Variants in CTBP1 observed in about 807,000 individuals in gnomAD.
The protein encoded by CTBP1 is C-terminal binding protein 1.
A neutral mutation model predicts 42.1 loss-of-function variants in CTBP1; 11 were observed. That is an observed-to-expected ratio of 0.26 (90% CI 0.16 to 0.43). CTBP1 has a LOEUF of 0.43. Ranked by LOEUF, CTBP1 falls within the 20% of genes least tolerant of loss-of-function variation. CTBP1 has a pLI of 1.00. For synonymous variants in CTBP1, 324 were observed against 277.1 expected, an observed-to-expected ratio of 1.17 and a Z score of -1.68; for missense variants, 399 against 624.3, an observed-to-expected ratio of 0.64 and a Z score of 3.85.
chr4:1,215,735 G>A (rs868150183), intron 6 of CTBP1: 5 of 543,202 alleles, frequency 9.2e-6, no homozygotes, highest in African/African-American at 7.6e-5. Context: ...GGGCTTCAGG[G>A]GAATTTGGTG....
Position 1,214,483 on chromosome 4 carries a change from A to AT in CTBP1, c.730-11dup. 1 of 1,575,812 alleles carries AT rather than the reference A, an allele frequency of 6.3e-7. No homozygotes were observed. Among genetic ancestry groups the AT allele is most frequent in the South Asian group, 1.2e-5 (1 of 85,288 alleles). On this transcript the variant is annotated splice_polypyrimidine_tract_variant and intron_variant, in intron 6 of 9. Transcript: ENST00000382952. ...AGGCCCCTTGTCTCATCTAGAAGAC[A>AT]TAAGGACAGGCCAGGCCCAGTCAGG... is the stretch of plus-strand genomic sequence containing the variant.
intron 1 of CTBP1, among the ~76,000 whole-genome samples, chr4:1,245,915 CCTCA>C (rs1732673469): frequency 6.6e-6 from 1 of 152,210 alleles, no homozygotes; most frequent in East Asian, 1.9e-4. Flanking sequence ...TCAGGGCCAT[CCTCA>C]CTCTCCTTCA....
At chr4:1,239,963 G>C (rs530700128) in intron 2 of CTBP1, among the ~76,000 whole-genome samples, 1 of 152,358 alleles carries the variant, frequency 6.6e-6, no homozygotes, top group African/African-American at 2.4e-5. Context: ...CCTCCCCGCT[G>C]TGTGTGGTGG....
At position 1,219,301 on chromosome 4, in the gene CTBP1, G is replaced by A. The variant is rs980553192; in HGVS notation, c.515-3096C>T. ...CCAGTGCTCAAGGCTGCAGTGAGCC[G>A]TGACCGCACCACCACACTCCAGCCC... On this transcript the variant is annotated intron_variant, in intron 5 of 9. Coordinates refer to ENST00000382952, the MANE Select transcript of CTBP1 (RefSeq NM_001012614.2). Among the ~76,000 whole-genome samples the A allele has an allele frequency of 9.8e-5, 15 of 152,306 alleles. 1 individual carries two copies. The highest frequency in any genetic ancestry group is 1.9e-4 in the East Asian group (1 of 5,192).
rs1179581663 is a variant in CTBP1 at position 1,238,312 on chromosome 4, C to G, written c.33G>C (p.Gly11=). Residue 11 remains glycine, a synonymous_variant, in exon 3 of 10, where the codon GGG becomes GGC. Transcript: ENST00000382952. This position sits in a 1 kb window ranked among gnomAD's most constrained non-coding sequence, Gnocchi z 5.9. MSGVRPPIMN[G]PLHPRPLVAL... ...CCACCAGGGGCCGCGGGTGCAGGGG[C>G]CCGTTCATGATCGGAGGTCGGACGC... is the stretch of plus-strand genomic sequence containing the variant. 1 of 1,585,552 alleles carries G rather than the reference C, an allele frequency of 6.3e-7. No homozygotes were observed. Among genetic ancestry groups the G allele is most frequent in the Non-Finnish European group, 8.6e-7 (1 of 1,161,694 alleles).
In CTBP1 at chr4:1,241,527, T is replaced by G. The variant is rs1164640972; in HGVS notation, c.-188-8A>C. On this transcript the variant is annotated splice_region_variant and splice_polypyrimidine_tract_variant and intron_variant, in intron 1 of 9. Transcript: ENST00000382952. ...GTCGGGGTCAAAGTCTTACTAAAAA[T>G]CAAACACAAGAGACACATTAAAATG... 3.1e-6 allele frequency: 5 copies of G among 1,588,574 alleles called. No individual in the cohort carries two copies. Among genetic ancestry groups the G allele is most frequent in the Non-Finnish European group, 4.3e-6 (5 of 1,173,966 alleles).
At chr4:1,222,937 C>A (rs1244920654) in intron 5 of CTBP1, among the ~76,000 whole-genome samples, 1 of 50,730 alleles carries the variant, frequency 2.0e-5, no homozygotes, top group Non-Finnish European at 4.9e-5. Flanking sequence ...CAGCCCATAC[C>A]CCCCCCACAT....
Position 1,212,304 on chromosome 4 carries a change from G to A in CTBP1, c.1226C>T (p.Ala409Val). The A allele has an allele frequency of 6.5e-7, 1 of 1,531,548 alleles. No homozygotes were observed. Among genetic ancestry groups the A allele is most frequent in the Non-Finnish European group, 8.8e-7 (1 of 1,142,084 alleles). The allele number at this position is 1,531,548 out of a possible 1,614,324, so 94.9% of individuals were successfully genotyped here. Residue 409 changes from alanine (A) to valine (V), a missense_variant, in exon 10 of 10, where the codon GCC becomes GTC. This residue lies in a region of CTBP1 where 60 missense variants were observed against 46.5 expected (regional missense o/e 1.29). Transcript: ENST00000382952. ...GLPPVAHPPH[A>V]PSPGQTVKPE... ...CTTGACGGTTTGGCCAGGAGAAGGG[G>A]CGTGGGGCGGGTGGGCCACAGGGGG... is the stretch of plus-strand genomic sequence containing the variant.
chr4:1,238,412 T>C lies in CTBP1; in HGVS notation c.8-75A>G, dbSNP rs1047876735. On this transcript the variant is annotated intron_variant, in intron 2 of 9. Coordinates refer to ENST00000382952, the MANE Select transcript of CTBP1 (RefSeq NM_001012614.2). The surrounding 1 kb of genome is among the most constrained non-coding windows in gnomAD (Gnocchi z 5.9). Reference sequence around the variant, plus strand: ...CTACAACCCACTCCACGCCACCCACTGTGCACGGGCCAACGAGGGCCGACC... The same window carrying C: ...CTACAACCCACTCCACGCCACCCACCGTGCACGGGCCAACGAGGGCCGACC... The C allele has an allele frequency of 2.0e-5, 30 of 1,473,220 alleles. No individual in the cohort carries two copies. The Admixed American group carries it at 6.3e-4, about 31-fold the overall frequency. 91.3% of individuals were successfully genotyped at this position (1,473,220 alleles called of 1,614,324 possible).
At chr4:1,225,702 G>A in intron 4 of CTBP1, 136 bp from the exon 5 acceptor site, 1 of 903,806 alleles carries the variant, frequency 1.1e-6, no homozygotes, top group Non-Finnish European at 1.6e-6. Context: ...GGCCACCCCG[G>A]GAGGCCACGA....
At position 1,246,798 on chromosome 4, in the gene CTBP1, C is replaced by T. The variant is rs114893639; in HGVS notation, c.-189+2118G>A. ...GACTGGGCCTCTCGAGCCTGGGGCC[C>T]GTTTCCTGGAGAGCATGACTACTTC... On this transcript the variant is annotated intron_variant, in intron 1 of 9. Coordinates refer to ENST00000382952, the MANE Select transcript of CTBP1 (RefSeq NM_001012614.2). Among the ~76,000 whole-genome samples, 494 of 152,348 alleles carry T rather than the reference C, an allele frequency of 3.2e-3. 7 individuals carry two copies. The highest frequency in any genetic ancestry group is 0.017 in the Middle Eastern group (5 of 294).
At chr4:1,232,437 G>T (rs1161649436) in intron 3 of CTBP1, among the ~76,000 whole-genome samples, 1 of 151,980 alleles carries the variant, frequency 6.6e-6, no homozygotes, top group South Asian at 2.1e-4. Flanking sequence ...TCAGCCTCCT[G>T]AGTATCTTGG....
Position 1,236,352 on chromosome 4 carries a change from C to A in CTBP1, c.162+1831G>T. 3 of 453,186 alleles carry A rather than the reference C, an allele frequency of 6.6e-6. No homozygotes were observed. The South Asian group carries it at 9.6e-5, about 15-fold the overall frequency. The allele number at this position is 453,186 out of a possible 1,614,324, so 28.1% of individuals were successfully genotyped here. On this transcript the variant is annotated intron_variant, in intron 3 of 9. Transcript: ENST00000382952. ...AAGAATCAGGAAAGCTGCCCAAAGG[C>A]TGCTCACTGCTGGACCAAAGCCAGG...
At chr4:1,224,908 G>A (rs571006637) in intron 5 of CTBP1, among the ~76,000 whole-genome samples, 5 of 151,192 alleles carry the variant, frequency 3.3e-5, no homozygotes, top group East Asian at 2.0e-4. Flanking sequence ...CTGTGACATC[G>A]GTGTGTGATG....
intron 3 of CTBP1, among the ~76,000 whole-genome samples, chr4:1,234,406 ACAC>A (rs1307441277): frequency 2.0e-5 from 3 of 152,148 alleles, no homozygotes; most frequent in Non-Finnish European, 2.9e-5. Context: ...ACGGTTCCCA[ACAC>A]TCTCGTCTCT....
rs932413967 is a variant in CTBP1 at position 1,211,846 on chromosome 4, T to C, written c.*394A>G. 5.0e-5 allele frequency: 8 copies of C among 159,786 alleles called. No individual in the cohort carries two copies. The highest frequency in any genetic ancestry group is 2.0e-4 in the African/African-American group (8 of 40,906). The allele number at this position is 159,786 out of a possible 1,614,324, so 9.9% of individuals were successfully genotyped here. A position where few individuals can be genotyped will look rare whatever the true frequency, so the allele number is the denominator to read the frequency against. On this transcript the variant is annotated 3_prime_UTR_variant, in exon 10 of 10. Transcript: ENST00000382952. ...GAGAAGTTTGCCAACTGCCTCATTCTGGGGCACGTTCCAACATACAAAAAA... is the reference window on the plus strand; with the variant it reads ...GAGAAGTTTGCCAACTGCCTCATTCCGGGGCACGTTCCAACATACAAAAAA...
intron 1 of CTBP1, among the ~76,000 whole-genome samples, chr4:1,247,773 G>GT (rs55946408): frequency 1.3e-5 from 2 of 149,684 alleles, no homozygotes; most frequent in Non-Finnish European, 3.0e-5. Context: ...GGGGAGGGGG[G>GT]GGGGGCTCGG....
At chr4:1,227,300 TGCGTGATCC>T in intron 4 of CTBP1, among the ~76,000 whole-genome samples, 11 of 152,026 alleles carry the variant, frequency 7.2e-5, no homozygotes, top group African/African-American at 2.7e-4. Flanking sequence ...CAGATGAGTG[TGCGTGATCC>T]GTGTGCTGAG....
At chr4:1,223,442 G>A (rs1267339576) in intron 5 of CTBP1, 3 of 456,022 alleles carry the variant, frequency 6.6e-6, no homozygotes, top group South Asian at 3.1e-5. Context: ...CCGCCTCACC[G>A]AGACCACCCG....
Sources: allele counts gnomAD v4.1 joint callset (sites outside exome capture counted in the v4.1 genomes callset), GRCh38; gene constraint gnomAD v4.1.1; regional missense constraint gnomAD v4.1.1; non-coding constraint Gnocchi (gnomAD v3.1); transcripts MANE v1.5; gene names NCBI Gene and HGNC (gene_info 2026-07-23, HGNC 2026-07-21).